Variants in LMO3 observed in about 807,000 individuals in gnomAD.
The protein encoded by LMO3 is LIM domain only protein 3.
In LMO3, 2 loss-of-function variants were observed where a neutral mutation model predicts 15.8. The observed-to-expected ratio is 0.13, with a 90% CI of 0.05 to 0.40. The LOEUF (loss-of-function observed/expected upper bound fraction) is 0.40. Among genes scored for constraint, LMO3 ranks in the 10% least tolerant of loss-of-function variants. LMO3 has a pLI of 0.99. For synonymous variants in LMO3, 62 were observed against 63.8 expected, an observed-to-expected ratio of 0.97 and a Z score of 0.13; for missense variants, 86 against 182.2, an observed-to-expected ratio of 0.47 and a Z score of 3.04.
rs1942998876 is a variant in LMO3, at chr12:16,576,460, C to A, written c.207-15922G>T. Among the ~76,000 whole-genome samples the A allele has an allele frequency of 6.6e-6, 1 of 152,144 alleles. No homozygotes were observed. Among genetic ancestry groups the A allele is most frequent in the Non-Finnish European group, 1.5e-5 (1 of 68,040 alleles). The stretch of plus-strand genomic sequence containing the variant: ...TGCTGCTTTTTTTTCATATTCAGAT[C>A]AAATGTCAATGGATCTATGAAGCCT... On this transcript the variant is annotated intron_variant, in intron 2 of 3. Transcript: ENST00000537304. The surrounding 1 kb of genome is among the most constrained non-coding windows in gnomAD (Gnocchi z 4.1).
At chr12:16,592,008 G>A (rs1254785191) in intron 2 of LMO3, among the ~76,000 whole-genome samples, 1 of 151,890 alleles carries the variant, frequency 6.6e-6, no homozygotes, top group African/African-American at 2.4e-5. Flanking sequence ...ATGTTTATCA[G>A]GTGTAGAAAA....
At chr12:16,594,368 A>T (rs1175310475) in intron 2 of LMO3, 1 of 1,026,830 alleles carries the variant, frequency 9.7e-7, no homozygotes, top group Non-Finnish European at 1.3e-6. Context: ...AAGGCCATTT[A>T]TAGAGACATG....
intron 2 of LMO3, among the ~76,000 whole-genome samples, chr12:16,570,801 A>G (rs1346441975): frequency 1.3e-5 from 2 of 152,210 alleles, no homozygotes; most frequent in Non-Finnish European, 2.9e-5. Flanking sequence ...AAAGTTATCA[A>G]ATCACTTACC....
intron 2 of LMO3, among the ~76,000 whole-genome samples, chr12:16,569,016 A>G (rs1942717985): frequency 6.6e-6 from 1 of 152,218 alleles, no homozygotes; most frequent in African/African-American, 2.4e-5. Context: ...TCATAATCTG[A>G]AATAGATGAC....
chr12:16,572,975 G>A (rs1942865968), intron 2 of LMO3, among the ~76,000 whole-genome samples: 1 of 151,568 alleles, frequency 6.6e-6, no homozygotes, highest in Admixed American at 6.6e-5. Context: ...AATCCACAAT[G>A]CTTGAAAGTA....
chr12:16,600,291 C>CAAAAAAAAAA (rs35993210), intron 2 of LMO3: 114 of 69,638 alleles, frequency 1.6e-3, no homozygotes, highest in East Asian at 3.0e-3. Flanking sequence ...CCTTAAGCTC[C>CAAAAAAAAAA]AAAAAAAAAA....
At position 16,587,513 on chromosome 12, in the gene LMO3, T is replaced by A. The variant is rs867676791; in HGVS notation, c.206+13142A>T. Among the ~76,000 whole-genome samples, 2 of 152,186 alleles carry A rather than the reference T, an allele frequency of 1.3e-5. No individual in the cohort carries two copies. The highest frequency in any genetic ancestry group is 2.4e-5 in the African/African-American group (1 of 41,446). On this transcript the variant is annotated intron_variant, in intron 2 of 3. Coordinates refer to ENST00000537304, the MANE Select transcript of LMO3 (RefSeq NM_018640.5). This position sits in a 1 kb window ranked among gnomAD's most constrained non-coding sequence, Gnocchi z 4.3. Reference sequence around the variant, plus strand: ...TAGCAAATAAACTGTGCCTCTTTTTTAAATAAACCCCTGGCCTTGAGTTTT... The same window carrying A: ...TAGCAAATAAACTGTGCCTCTTTTTAAAATAAACCCCTGGCCTTGAGTTTT...
chr12:16,604,839 G>T lies in LMO3; in HGVS notation c.-9+1227C>A. On this transcript the variant is annotated intron_variant, in intron 1 of 3. Transcript: ENST00000537304. This position sits in a 1 kb window ranked among gnomAD's most constrained non-coding sequence, Gnocchi z 5.3. ...CAGGAGTGCAGAGCGCCAGCAAAGT[G>T]CATCTATGATAGACTGTAACCTTAC... The T allele has an allele frequency of 6.3e-7, 1 of 1,597,934 alleles. No homozygotes were observed. Among genetic ancestry groups the T allele is most frequent in the East Asian group, 2.2e-5 (1 of 44,870 alleles).
At chr12:16,579,935 G>A (rs945320017) in intron 2 of LMO3, among the ~76,000 whole-genome samples, 1 of 152,160 alleles carries the variant, frequency 6.6e-6, no homozygotes, top group African/African-American at 2.4e-5. Flanking sequence ...GTATCTGTTG[G>A]TATTTAAGTA....
chr12:16,581,592 C>T (rs980992718), intron 2 of LMO3, among the ~76,000 whole-genome samples: 3 of 152,162 alleles, frequency 2.0e-5, no homozygotes, highest in Non-Finnish European at 2.9e-5. Context: ...GAGTTTCATT[C>T]TGTTGACTTT....
chr12:16,598,130 CA>C lies in LMO3; in HGVS notation c.206+2524del, dbSNP rs1943713541. 1 of 151,988 alleles carries C rather than the reference CA, an allele frequency of 6.6e-6. No individual in the cohort carries two copies. Among genetic ancestry groups the C allele is most frequent in the Admixed American group, 6.6e-5 (1 of 15,240 alleles). 9.4% of individuals were successfully genotyped at this position (151,988 alleles called of 1,614,324 possible). On this transcript the variant is annotated intron_variant, in intron 2 of 3. Transcript: ENST00000537304. The surrounding 1 kb of genome is among the most constrained non-coding windows in gnomAD (Gnocchi z 4.3). ...TATTTGTTGATTTACCATACAGAATCAGACTATTTTAATTTGCCAATCAGAG... is the reference window on the plus strand; with the variant it reads ...TATTTGTTGATTTACCATACAGAATCGACTATTTTAATTTGCCAATCAGAG...
At position 16,586,756 on chromosome 12, in the gene LMO3, C is replaced by T. The variant is rs1197128014; in HGVS notation, c.206+13899G>A. 6.6e-6 allele frequency among the ~76,000 whole-genome samples: 1 copy of T among 152,166 alleles called. No individual in the cohort carries two copies. The highest frequency in any genetic ancestry group is 2.4e-5 in the African/African-American group (1 of 41,436). On this transcript the variant is annotated intron_variant, in intron 2 of 3. Coordinates refer to ENST00000537304, the MANE Select transcript of LMO3 (RefSeq NM_018640.5). This position sits in a 1 kb window ranked among gnomAD's most constrained non-coding sequence, Gnocchi z 4.3. ...ATTTCTCTGGTACTTGAGCTAAGCTCCTGTGGCTCAGATTATTTATTGCAT... is the reference window on the plus strand; with the variant it reads ...ATTTCTCTGGTACTTGAGCTAAGCTTCTGTGGCTCAGATTATTTATTGCAT...
At position 16,548,400 on chromosome 12, in the gene LMO3, T is replaced by C. The variant is rs1019771855; in HGVS notation, c.*2822A>G. 6.6e-6 allele frequency: 1 copy of C among 152,098 alleles called. No homozygotes were observed. The highest frequency in any genetic ancestry group is 1.5e-5 in the Non-Finnish European group (1 of 67,998). 9.4% of individuals were successfully genotyped at this position (152,098 alleles called of 1,614,324 possible). The stretch of plus-strand genomic sequence containing the variant: ...TGTAACACCCCTTTTATTAAAAACA[T>C]AAATCCAAATGTAAAAAAGTGAATG... On this transcript the variant is annotated 3_prime_UTR_variant, in exon 4 of 4. Coordinates refer to ENST00000537304, the MANE Select transcript of LMO3 (RefSeq NM_018640.5). This position sits in a 1 kb window ranked among gnomAD's most constrained non-coding sequence, Gnocchi z 4.2.
chr12:16,555,702 T>C lies in LMO3; in HGVS notation c.333-4375A>G, dbSNP rs753073331. Among the ~76,000 whole-genome samples the C allele has an allele frequency of 3.3e-5, 5 of 152,188 alleles. No homozygotes were observed. The highest frequency in any genetic ancestry group is 7.3e-5 in the Non-Finnish European group (5 of 68,032). ...CTCCATGTGCCTACCAAACCGCTTC[T>C]CTAATCTCTGAACATACTGAGCCGC... On this transcript the variant is annotated intron_variant, in intron 3 of 3. Coordinates refer to ENST00000537304, the MANE Select transcript of LMO3 (RefSeq NM_018640.5). This position sits in a 1 kb window ranked among gnomAD's most constrained non-coding sequence, Gnocchi z 5.5.
In LMO3 at chr12:16,597,282, A is replaced by G. The variant is rs1196715272; in HGVS notation, c.206+3373T>C. 6.6e-6 allele frequency among the ~76,000 whole-genome samples: 1 copy of G among 151,728 alleles called. No homozygotes were observed. Among genetic ancestry groups the G allele is most frequent in the African/African-American group, 2.4e-5 (1 of 41,402 alleles). ...ATAGCTACTAGTGCCATAAAGGAGA[A>G]AAAAAATGGAAAGACATCAAATTTT... is the stretch of plus-strand genomic sequence containing the variant. On this transcript the variant is annotated intron_variant, in intron 2 of 3. Transcript: ENST00000537304. The surrounding 1 kb of genome is among the most constrained non-coding windows in gnomAD (Gnocchi z 5.0).
rs1191533050 is a variant in LMO3, at chr12:16,603,626, A to G, written c.-9+2440T>C. 1.3e-5 allele frequency among the ~76,000 whole-genome samples: 2 copies of G among 152,194 alleles called. No homozygotes were observed. ...AAATCATAATTAAAAAAAAGACATA[A>G]ATAATAGCCTGTGCAGTGTGGTGTG... On this transcript the variant is annotated intron_variant, in intron 1 of 3. Transcript: ENST00000537304. The surrounding 1 kb of genome is among the most constrained non-coding windows in gnomAD (Gnocchi z 4.9).
At chr12:16,553,640 C>A (rs1316836825) in intron 3 of LMO3, among the ~76,000 whole-genome samples, 1 of 152,024 alleles carries the variant, frequency 6.6e-6, no homozygotes, top group Non-Finnish European at 1.5e-5. Flanking sequence ...ACATATGACT[C>A]AAACAAAACA....
At chr12:16,570,948 A>G (rs1718966213) in intron 2 of LMO3, among the ~76,000 whole-genome samples, 7 of 152,154 alleles carry the variant, frequency 4.6e-5, no homozygotes. Context: ...CAACCTATAT[A>G]AGAATCTATT....
intron 2 of LMO3, among the ~76,000 whole-genome samples, chr12:16,578,422 G>A (rs147028684): frequency 6.6e-6 from 1 of 152,210 alleles, no homozygotes; most frequent in African/African-American, 2.4e-5. Context: ...TGGAGGAACA[G>A]GGAAGAGAAG....
Sources: allele counts gnomAD v4.1 joint callset (sites outside exome capture counted in the v4.1 genomes callset), GRCh38; gene constraint gnomAD v4.1.1; non-coding constraint Gnocchi (gnomAD v3.1); transcripts MANE v1.5; gene names NCBI Gene and HGNC (gene_info 2026-07-23, HGNC 2026-07-21).